Variants in DDHD2 observed in about 807,000 individuals in gnomAD.
DDHD2 encodes the protein triacylglycerol hydrolase DDHD2.
In DDHD2, 62 loss-of-function variants were observed where a neutral mutation model predicts 91.2. The ratio of observed to expected loss-of-function variants is 0.68; its 90% CI spans 0.55 to 0.84. DDHD2 has a LOEUF of 0.84. Ranked by LOEUF, DDHD2 falls within the 40% of genes least tolerant of loss-of-function variation. The pLI is 0.00. For missense variants in DDHD2, 740 were observed against 846.9 expected, an observed-to-expected ratio of 0.87 and a Z score of 1.57; for synonymous variants, 271 against 293.9, an observed-to-expected ratio of 0.92 and a Z score of 0.80.
chr8:38,267,434 A>T (rs1430571127), downstream of DDHD2: 1 of 1,600,494 alleles, frequency 6.2e-7, no homozygotes, highest in Admixed American at 1.7e-5. Flanking sequence ...CATTAACTCC[A>T]GAAATTATTT....
chr8:38,241,731 T>C (rs1805281585), intron 6 of DDHD2, among the ~76,000 whole-genome samples: 1 of 150,434 alleles, frequency 6.6e-6, no homozygotes, highest in African/African-American at 2.4e-5. Context: ...AAGTTAGCCT[T>C]CTTTTGATGA....
rs1343824144 is a variant in DDHD2 at position 38,260,238 on chromosome 8, CTAGCTG to C, written c.*26+93_*26+98del. The C allele has an allele frequency of 7.7e-6, 5 of 652,682 alleles. No homozygotes were observed. In the African/African-American group the frequency reaches 9.1e-5, roughly 12 times the overall value. The allele number at this position is 652,682 out of a possible 1,614,324, so 40.4% of individuals were successfully genotyped here. ...GAGCCTCAAGCTCTTTTTAAATATA[CTAGCTG>C]TTGCCTGTCACCAAGATCTAGGCTG... On this transcript the variant is annotated intron_variant, in intron 17 of 17. Transcript: ENST00000397166.
intron 16 of DDHD2, 127 bp downstream of exon 16, chr8:38,253,845 C>G (rs745534679): frequency 1.1e-4 from 99 of 928,774 alleles, no homozygotes; most frequent in Non-Finnish European, 1.5e-4. Flanking sequence ...TTTGGGAGGC[C>G]AAGGTGGGAG....
exon 2 of DDHD2, chr8:38,271,209 TAA>T (rs1313162005): frequency 2.0e-5 from 3 of 152,204 alleles, no homozygotes; most frequent in African/African-American, 7.2e-5. Flanking sequence ...TAATCCACGC[TAA>T]AGAGGATAAG....
Position 38,238,222 on chromosome 8 carries a change from G to T in DDHD2, c.622+13G>T, listed in dbSNP as rs768997599. On this transcript the variant is annotated intron_variant, in intron 5 of 17. Coordinates refer to ENST00000397166, the MANE Select transcript of DDHD2 (RefSeq NM_015214.3). ...GACATTCATTGTGGTAATGTTAATCGTTTATTTTTTCTTACCTTTGGATGT... is the reference window on the plus strand; with the variant it reads ...GACATTCATTGTGGTAATGTTAATCTTTTATTTTTTCTTACCTTTGGATGT... 1.7e-5 allele frequency: 28 copies of T among 1,612,996 alleles called. No homozygotes were observed. Among genetic ancestry groups the T allele is most frequent in the Non-Finnish European group, 2.2e-5 (26 of 1,179,434 alleles).
chr8:38,261,818 T>C lies in DDHD2; in HGVS notation c.*1245T>C, dbSNP rs904103677. The C allele has an allele frequency of 1.3e-5, 2 of 152,218 alleles. No individual in the cohort carries two copies. The highest frequency in any genetic ancestry group is 4.8e-5 in the African/African-American group (2 of 41,448). 9.4% of individuals were successfully genotyped at this position (152,218 alleles called of 1,614,324 possible). Reference sequence around the variant, plus strand: ...TTCTTCTTCATTGGTCAGTTTGTCATTGTCTTTGTAGTTCTCTTTATGATA... The same window carrying C: ...TTCTTCTTCATTGGTCAGTTTGTCACTGTCTTTGTAGTTCTCTTTATGATA... On this transcript the variant is annotated 3_prime_UTR_variant, in exon 18 of 18. Coordinates refer to ENST00000397166, the MANE Select transcript of DDHD2 (RefSeq NM_015214.3).
At chr8:38,233,692 G>C (rs1283967911) in intron 2 of DDHD2, among the ~76,000 whole-genome samples, 2 of 152,002 alleles carry the variant, frequency 1.3e-5, no homozygotes, top group Admixed American at 1.3e-4. Flanking sequence ...ACTTTGGGAG[G>C]CCAAGGCGAG....
chr8:38,267,329 C>T (rs1156670950), downstream of DDHD2: 4 of 1,613,876 alleles, frequency 2.5e-6, no homozygotes, highest in Admixed American at 1.7e-5. Context: ...ATCCCCTGTA[C>T]ACATCAAGTC....
chr8:38,264,393 A>G, downstream of DDHD2: 1 of 1,436,278 alleles, frequency 7.0e-7, no homozygotes, highest in Non-Finnish European at 9.3e-7. Flanking sequence ...TCAGCCTCCC[A>G]AAGTGTTGGG....
rs948423902 is a variant in DDHD2 at position 38,269,623 on chromosome 8, T to G, written n.88-1499T>G. 2.1e-5 allele frequency: 4 copies of G among 188,858 alleles called. No homozygotes were observed. The East Asian group carries it at 5.7e-4, about 27-fold the overall frequency. 11.7% of individuals were successfully genotyped at this position (188,858 alleles called of 1,614,324 possible). ...CTGAGGTTGGCTGGATTGTGTCATT[T>G]AGTCCTCCCACCCAGGATGGCCTCC... On this transcript the variant is annotated intron_variant and non_coding_transcript_variant, in intron 1 of 1. Transcript: ENST00000526071.
chr8:38,247,731 A>G lies in DDHD2; in HGVS notation c.1144A>G (p.Met382Val), dbSNP rs1422246401. ...TTTTTAGGATTCGCTAAATATTGTAATGGATCAAGGAGATACACCTACACT... is the reference window on the plus strand; with the variant it reads ...TTTTTAGGATTCGCTAAATATTGTAGTGGATCAAGGAGATACACCTACACT... Reference protein sequence around the residue: ...DSEKDSLNIVMDQGDTPTLEE... With the variant: ...DSEKDSLNIVVDQGDTPTLEE... The change falls in exon 10 of 18, where the codon ATG becomes GTG. Residue 382 changes from methionine to valine, a missense_variant. Coordinates refer to ENST00000397166, the MANE Select transcript of DDHD2 (RefSeq NM_015214.3). 5 of 1,521,994 alleles carry G rather than the reference A, an allele frequency of 3.3e-6. No individual in the cohort carries two copies. Among genetic ancestry groups the G allele is most frequent in the African/African-American group, 1.4e-5 (1 of 70,696 alleles). The allele number at this position is 1,521,994 out of a possible 1,614,324, so 94.3% of individuals were successfully genotyped here.
downstream of DDHD2, chr8:38,263,411 A>G (rs978648598): frequency 8.1e-6 from 8 of 985,332 alleles, no homozygotes; most frequent in African/African-American, 1.4e-4. Flanking sequence ...GCAGATCTTC[A>G]GTCATGAATG....
intron 3 of DDHD2, 41 bp downstream of exon 3, chr8:38,234,625 T>G (rs1229441917): frequency 2.7e-6 from 4 of 1,466,398 alleles, no homozygotes; most frequent in Non-Finnish European, 3.7e-6. Flanking sequence ...TTTCTTTCTC[T>G]TATTTAATAA....
rs201723569 is a variant in DDHD2, at chr8:38,267,949, C to G, written n.88-3173C>G. The G allele has an allele frequency of 3.0e-5, 49 of 1,613,818 alleles. No homozygotes were observed. In the African/African-American group the frequency reaches 6.0e-4, roughly 20 times the overall value. On this transcript the variant is annotated intron_variant and non_coding_transcript_variant, in intron 1 of 1. Transcript: ENST00000526071. ...GTAAAGACGCCATTCAGAGCCAGGG[C>G]AAGGCTGGCAGCTGCAAAGCAAAGC...
At chr8:38,245,431 CAAA>C (rs921954707) in intron 7 of DDHD2, among the ~76,000 whole-genome samples, 10 of 109,556 alleles carry the variant, frequency 9.1e-5, no homozygotes, top group Admixed American at 9.6e-5. Context: ...GAGTCTGTCT[CAAA>C]AAAAAAAAAA....
intron 1 of DDHD2, chr8:38,268,509 C>T: frequency 1.9e-6 from 3 of 1,545,194 alleles, no homozygotes; most frequent in Middle Eastern, 1.7e-4. Context: ...AAAAGCCACA[C>T]TCGTGCTCCT....
At chr8:38,265,074 CT>C, downstream of DDHD2, 1 of 710,328 alleles carries the variant, frequency 1.4e-6, no homozygotes, top group Non-Finnish European at 2.5e-6. Flanking sequence ...TGAGACCAGC[CT>C]GACCAACAAG....
chr8:38,235,611 C>G (rs1340959638), intron 3 of DDHD2, among the ~76,000 whole-genome samples: 1 of 150,912 alleles, frequency 6.6e-6, no homozygotes, highest in African/African-American at 2.4e-5. Flanking sequence ...ATCCCAGCTA[C>G]TTGGGAGGCT....
intron 10 of DDHD2, among the ~76,000 whole-genome samples, chr8:38,249,038 C>T (rs746071087): frequency 2.6e-5 from 4 of 151,734 alleles, no homozygotes; most frequent in Non-Finnish European, 4.4e-5. Context: ...TCAGTGCTTG[C>T]GTTCATCAGC....
Sources: allele counts gnomAD v4.1 joint callset (sites outside exome capture counted in the v4.1 genomes callset), GRCh38; gene constraint gnomAD v4.1.1; transcripts MANE v1.5; gene names NCBI Gene and HGNC (gene_info 2026-07-23, HGNC 2026-07-21).